Variants in SLC8A1 observed in about 807,000 individuals in gnomAD.
SLC8A1 encodes the protein solute carrier family 8 member A1, also known as sodium/calcium exchanger 1.
SLC8A1 carries 18 observed loss-of-function variants against 68.3 expected under a neutral mutation model. The observed-to-expected ratio is 0.26, with a 90% CI of 0.18 to 0.39. The LOEUF (loss-of-function observed/expected upper bound fraction) is 0.39. Among genes scored for constraint, SLC8A1 ranks in the 10% least tolerant of loss-of-function variants. SLC8A1 has a pLI of 1.00. For missense variants in SLC8A1, 985 were observed against 1,156.7 expected (o/e 0.85, Z 2.15); for synonymous variants, 475 against 415.5 (o/e 1.14, Z -1.74).
At chr2:40,338,753 CTTCTTT>C (rs1666794049) in intron 2 of SLC8A1, among the ~76,000 whole-genome samples, 8 of 152,124 alleles carry the variant, frequency 5.3e-5, no homozygotes, top group African/African-American at 1.9e-4. Context: ...ATTGGATTTT[CTTCTTT>C]TAGAAATTTC....
At chr2:40,137,435 T>C (rs937175184) in intron 7 of SLC8A1, among the ~76,000 whole-genome samples, 1 of 152,170 alleles carries the variant, frequency 6.6e-6, no homozygotes, top group Admixed American at 6.5e-5. Context: ...TTTGCACATA[T>C]TCTCCTCAGA....
At chr2:40,301,295 T>C (rs1406589628) in intron 2 of SLC8A1, among the ~76,000 whole-genome samples, 3 of 152,216 alleles carry the variant, frequency 2.0e-5, no homozygotes, top group African/African-American at 7.2e-5. Context: ...GAAACTGAAG[T>C]TGAAGTTGTG....
chr2:40,244,046 T>C (rs1483104825), intron 2 of SLC8A1, among the ~76,000 whole-genome samples: 1 of 46,574 alleles, frequency 2.1e-5, no homozygotes, highest in African/African-American at 7.2e-5. Flanking sequence ...AGCCCTTTTG[T>C]TATTAAAAAA....
intron 1 of SLC8A1, among the ~76,000 whole-genome samples, chr2:40,430,547 T>A (rs1698044868): frequency 6.6e-6 from 1 of 152,156 alleles, no homozygotes; most frequent in South Asian, 2.1e-4. Context: ...TCTGTGAATT[T>A]ACTACATGTA....
At chr2:40,466,740 T>G (rs1703696813) in intron 1 of SLC8A1, among the ~76,000 whole-genome samples, 1 of 152,174 alleles carries the variant, frequency 6.6e-6, no homozygotes, top group Non-Finnish European at 1.5e-5. Flanking sequence ...CATGTTGGTT[T>G]GTTGAATGTG....
At chr2:40,183,259 T>C (rs2148598754) in intron 2 of SLC8A1, among the ~76,000 whole-genome samples, 1 of 152,338 alleles carries the variant, frequency 6.6e-6, no homozygotes, top group Middle Eastern at 3.4e-3. Context: ...AGGTCCCTTA[T>C]TCATTCAACT....
At chr2:40,249,825 T>G (rs1444654917) in intron 2 of SLC8A1, among the ~76,000 whole-genome samples, 2 of 152,198 alleles carry the variant, frequency 1.3e-5, no homozygotes, top group African/African-American at 2.4e-5. Context: ...TAGATCTTAC[T>G]TAACACAGGA....
intron 1 of SLC8A1, among the ~76,000 whole-genome samples, chr2:40,439,751 A>G (rs1316955621): frequency 6.6e-6 from 1 of 152,164 alleles, no homozygotes; most frequent in Non-Finnish European, 1.5e-5. Context: ...ATTTTCCTGC[A>G]TAGTTTCAAA....
At chr2:40,392,090 A>C (rs112342939) in intron 2 of SLC8A1, among the ~76,000 whole-genome samples, 1 of 152,032 alleles carries the variant, frequency 6.6e-6, no homozygotes, top group Admixed American at 6.6e-5. Context: ...GAGAAAAATA[A>C]AAAAGAAAGC....
At chr2:40,372,294 C>A (rs1678352737) in intron 2 of SLC8A1, among the ~76,000 whole-genome samples, 1 of 152,080 alleles carries the variant, frequency 6.6e-6, no homozygotes, top group Non-Finnish European at 1.5e-5. Flanking sequence ...CACCCAGTTG[C>A]TGTGTCTCTT....
intron 2 of SLC8A1, among the ~76,000 whole-genome samples, chr2:40,399,726 A>G (rs1032447736): frequency 1.3e-5 from 2 of 152,176 alleles, no homozygotes; most frequent in African/African-American, 2.4e-5. Flanking sequence ...TCACTGATGA[A>G]TAAGTGAAAC....
At chr2:40,409,463 C>T (rs1172255704) in intron 2 of SLC8A1, among the ~76,000 whole-genome samples, 1 of 152,044 alleles carries the variant, frequency 6.6e-6, no homozygotes, top group African/African-American at 2.4e-5. Flanking sequence ...AATTTGAACC[C>T]CCAAAGATTC....
intron 6 of SLC8A1, among the ~76,000 whole-genome samples, chr2:40,155,806 G>A (rs1405181982): frequency 6.6e-6 from 1 of 152,114 alleles, no homozygotes; most frequent in Admixed American, 6.6e-5. Flanking sequence ...AAGGTGACAT[G>A]CCCTCTACTT....
chr2:40,457,639 G>C (rs937699453), intron 1 of SLC8A1, among the ~76,000 whole-genome samples: 3 of 152,170 alleles, frequency 2.0e-5, no homozygotes, highest in African/African-American at 7.2e-5. Flanking sequence ...CATACAGTGT[G>C]ACCTAAAGAA....
At chr2:40,374,306 G>A (rs887853709) in intron 2 of SLC8A1, among the ~76,000 whole-genome samples, 11 of 151,922 alleles carry the variant, frequency 7.2e-5, no homozygotes, top group African/African-American at 1.9e-4. Flanking sequence ...GAGCCCAGGA[G>A]TTCCAGACCA....
At chr2:40,164,470 T>C (rs1482919277) in intron 5 of SLC8A1, among the ~76,000 whole-genome samples, 2 of 152,192 alleles carry the variant, frequency 1.3e-5, no homozygotes, top group Non-Finnish European at 2.9e-5. Flanking sequence ...TTCAGCAGTG[T>C]GAATGCCTTG....
At chr2:40,408,891 AT>A (rs1468014433) in intron 2 of SLC8A1, among the ~76,000 whole-genome samples, 1 of 151,798 alleles carries the variant, frequency 6.6e-6, no homozygotes, top group Non-Finnish European at 1.5e-5. Flanking sequence ...TAGAAAAAAA[AT>A]ATAGCCATAA....
At chr2:40,238,459 C>T (rs929302812) in intron 2 of SLC8A1, among the ~76,000 whole-genome samples, 23 of 151,948 alleles carry the variant, frequency 1.5e-4, no homozygotes, top group African/African-American at 4.8e-4. Context: ...CGCCCTGCTT[C>T]GGCTCGCACA....
At chr2:40,374,342 T>A (rs1679108649) in intron 2 of SLC8A1, among the ~76,000 whole-genome samples, 1 of 151,798 alleles carries the variant, frequency 6.6e-6, no homozygotes, top group Admixed American at 6.6e-5. Context: ...GGAGACCCTG[T>A]CTCTGTATTT....
Sources: gnomAD v4.1 joint callset for allele counts (sites outside exome capture counted in the v4.1 genomes callset) on GRCh38, gnomAD v4.1.1 for gene constraint, MANE v1.5 for transcripts, NCBI Gene and HGNC (gene_info 2026-07-23, HGNC 2026-07-21) for gene names.